Variants in PTPN4 observed in about 807,000 individuals in gnomAD.
PTPN4 encodes the protein tyrosine-protein phosphatase non-receptor type 4.
A neutral mutation model predicts 135.5 loss-of-function variants in PTPN4; 49 were observed. That is an observed-to-expected ratio of 0.36 (90% confidence interval 0.29 to 0.46). The LOEUF (loss-of-function observed/expected upper bound fraction) is 0.46, where lower values mean the gene tolerates loss of function less well. Among genes scored for constraint, PTPN4 ranks in the 20% least tolerant of loss-of-function variants. PTPN4 has a pLI of 1.00. For missense variants in PTPN4, 860 were observed against 1,101.0 expected (o/e 0.78, Z 3.10); for synonymous variants, 333 against 369.9 (o/e 0.90, Z 1.14).
chr2:119,857,937 C>T (rs546348237), intron 2 of PTPN4, among the ~76,000 whole-genome samples: 2 of 152,252 alleles, frequency 1.3e-5, no homozygotes, highest in Non-Finnish European at 2.9e-5. Flanking sequence ...ATCATGGGAG[C>T]AGATCCCTCA....
chr2:119,928,405 T>C (rs1678855023), intron 13 of PTPN4, among the ~76,000 whole-genome samples: 1 of 152,162 alleles, frequency 6.6e-6, no homozygotes, highest in Non-Finnish European at 1.5e-5. Flanking sequence ...TATTACATTA[T>C]GAATTAACAT....
intron 2 of PTPN4, among the ~76,000 whole-genome samples, chr2:119,861,084 C>T (rs922332954): frequency 3.3e-5 from 5 of 151,762 alleles, no homozygotes; most frequent in South Asian, 2.1e-4. Flanking sequence ...CTGGGAGGTC[C>T]GGGATCAGAT....
At chr2:119,825,024 A>G (rs1045186174) in intron 2 of PTPN4, among the ~76,000 whole-genome samples, 2 of 152,146 alleles carry the variant, frequency 1.3e-5, no homozygotes, top group Non-Finnish European at 2.9e-5. Context: ...AAAAGAAAGC[A>G]AGTTTTTATT....
At chr2:119,817,280 T>A (rs543282408) in intron 2 of PTPN4, among the ~76,000 whole-genome samples, 15 of 152,256 alleles carry the variant, frequency 9.9e-5, no homozygotes, top group Admixed American at 2.0e-4. Flanking sequence ...TGCATATGGC[T>A]AGCCAGTTAT....
At chr2:119,896,013 C>T (rs539731048) in intron 9 of PTPN4, among the ~76,000 whole-genome samples, 1 of 151,760 alleles carries the variant, frequency 6.6e-6, no homozygotes, top group African/African-American at 2.4e-5. Flanking sequence ...AACATCTGTT[C>T]ATATTCAGTT....
intron 3 of PTPN4, among the ~76,000 whole-genome samples, chr2:119,870,653 C>A (rs1677897157): frequency 1.3e-5 from 2 of 151,718 alleles, no homozygotes; most frequent in African/African-American, 4.8e-5. Flanking sequence ...AAGAAACAGC[C>A]CAAGTATCAA....
intron 2 of PTPN4, among the ~76,000 whole-genome samples, chr2:119,845,046 C>CTGGA: frequency 6.7e-6 from 1 of 149,440 alleles, no homozygotes; most frequent in South Asian, 2.1e-4. Context: ...CGGTTAGGGG[C>CTGGA]TGGAGACCGG....
intron 2 of PTPN4, among the ~76,000 whole-genome samples, chr2:119,814,595 T>C (rs986867347): frequency 1.3e-5 from 2 of 152,208 alleles, no homozygotes; most frequent in African/African-American, 4.8e-5. Flanking sequence ...TTCTGTCACT[T>C]AAGGTGACCA....
At chr2:119,838,345 AG>A (rs2104968323) in intron 2 of PTPN4, among the ~76,000 whole-genome samples, 1 of 152,200 alleles carries the variant, frequency 6.6e-6, no homozygotes, top group African/African-American at 2.4e-5. Flanking sequence ...CTCAGGCAGA[AG>A]GTGCCGCCAG....
chr2:119,955,509 A>T (rs1283304067), intron 20 of PTPN4, among the ~76,000 whole-genome samples, 186 bp downstream of exon 20: 1 of 152,260 alleles, frequency 6.6e-6, no homozygotes, highest in Non-Finnish European at 1.5e-5. Context: ...AGCTATGGTT[A>T]TATAAATAGA....
At chr2:119,840,593 G>T (rs1401045361) in intron 2 of PTPN4, among the ~76,000 whole-genome samples, 3 of 152,084 alleles carry the variant, frequency 2.0e-5, no homozygotes, top group Non-Finnish European at 2.9e-5. Context: ...TATTCCTTTG[G>T]GTATGTACCC....
At chr2:119,825,597 G>A (rs1393076049) in intron 2 of PTPN4, among the ~76,000 whole-genome samples, 1 of 151,542 alleles carries the variant, frequency 6.6e-6, no homozygotes, top group Non-Finnish European at 1.5e-5. Context: ...CCAGGTTCAG[G>A]CAATTCTCCT....
chr2:119,869,935 G>A (rs528890390), intron 3 of PTPN4, among the ~76,000 whole-genome samples: 10 of 152,240 alleles, frequency 6.6e-5, no homozygotes, highest in African/African-American at 2.4e-4. Context: ...TCTGGGTAAT[G>A]TAGTACGGGT....
intron 2 of PTPN4, among the ~76,000 whole-genome samples, chr2:119,825,600 A>G (rs911666090): frequency 6.6e-6 from 1 of 151,362 alleles, no homozygotes; most frequent in African/African-American, 2.4e-5. Flanking sequence ...GGTTCAGGCA[A>G]TTCTCCTGCC....
intron 15 of PTPN4, among the ~76,000 whole-genome samples, chr2:119,944,710 A>T (rs1679108055): frequency 6.6e-6 from 1 of 152,066 alleles, no homozygotes; most frequent in Non-Finnish European, 1.5e-5. Context: ...TAGTTACTTT[A>T]TCTGTGGAAC....
At chr2:119,881,598 A>T (rs1238069432) in intron 5 of PTPN4, among the ~76,000 whole-genome samples, 188 bp from the exon 6 acceptor site, 1 of 152,232 alleles carries the variant, frequency 6.6e-6, no homozygotes, top group Non-Finnish European at 1.5e-5. Context: ...TACATCAAAG[A>T]GTTTTAAAGA....
intron 11 of PTPN4, 186 bp downstream of exon 11, chr2:119,915,428 TA>T: frequency 2.7e-6 from 1 of 373,336 alleles, no homozygotes; most frequent in East Asian, 4.6e-5. Context: ...TATGTGGTTC[TA>T]ATTTAAAGTT....
At chr2:119,811,896 T>C (rs1459113612) in intron 2 of PTPN4, among the ~76,000 whole-genome samples, 1 of 151,796 alleles carries the variant, frequency 6.6e-6, no homozygotes, top group Non-Finnish European at 1.5e-5. Flanking sequence ...TATATGTTTA[T>C]ATTTTAAAAA....
chr2:119,927,363 T>C (rs188954719), intron 13 of PTPN4, among the ~76,000 whole-genome samples: 2 of 152,146 alleles, frequency 1.3e-5, no homozygotes, highest in Admixed American at 1.3e-4. Flanking sequence ...CCCCCCACCT[T>C]GGCCTCCCAA....
Sources: gnomAD v4.1 joint callset for allele counts (sites outside exome capture counted in the v4.1 genomes callset) on GRCh38, gnomAD v4.1.1 for gene constraint, MANE v1.5 for transcripts, NCBI Gene and HGNC (gene_info 2026-07-23, HGNC 2026-07-21) for gene names.